Variants in NECAB2 observed in about 807,000 individuals in gnomAD.
The protein encoded by NECAB2 is N-terminal EF-hand calcium-binding protein 2.
NECAB2 carries 68 observed loss-of-function variants against 51.9 expected under a neutral mutation model. The observed-to-expected ratio is 1.31, with a 90% CI of 1.08 to 1.60. The LOEUF (loss-of-function observed/expected upper bound fraction) is 1.60. Among genes scored for constraint, NECAB2 ranks in the 40% most tolerant of loss-of-function variants. The probability of loss-of-function intolerance (pLI) is 0.00; values close to 1 mark genes in which losing one functional copy is unlikely to be tolerated. For synonymous variants in NECAB2, 329 were observed against 203.5 expected, an observed-to-expected ratio of 1.62 and a Z score of -5.25; for missense variants, 854 against 490.3, an observed-to-expected ratio of 1.74 and a Z score of -7.00.
At position 84,002,420 on chromosome 16, in the gene NECAB2, C is replaced by G; in HGVS notation, c.*74C>G. 8 of 1,536,018 alleles carry G rather than the reference C, an allele frequency of 5.2e-6. No homozygotes were observed. Among genetic ancestry groups the G allele is most frequent in the Non-Finnish European group, 7.2e-6 (8 of 1,111,100 alleles). ...GAAGGAAATCCCGTTTTTTTCTAGACAGACACTTTGGTGCAGAAGCTTCTT... is the reference window on the plus strand; with the variant it reads ...GAAGGAAATCCCGTTTTTTTCTAGAGAGACACTTTGGTGCAGAAGCTTCTT... On this transcript the variant is annotated 3_prime_UTR_variant, in exon 13 of 13. Coordinates refer to ENST00000305202, the MANE Select transcript of NECAB2 (RefSeq NM_019065.3).
intron 5 of NECAB2, among the ~76,000 whole-genome samples, chr16:83,987,179 A>G (rs1201810818): frequency 6.6e-6 from 1 of 152,262 alleles, no homozygotes; most frequent in Middle Eastern, 3.2e-3. Context: ...TAGAAAAAAT[A>G]GTAAACTTAG....
intron 5 of NECAB2, among the ~76,000 whole-genome samples, chr16:83,983,853 C>T (rs897009263): frequency 6.6e-6 from 1 of 152,036 alleles, no homozygotes; most frequent in African/African-American, 2.4e-5. Context: ...CATTTTTCTA[C>T]GTAAAAATAG....
At chr16:83,995,645 T>C (rs1054571005) in intron 8 of NECAB2, among the ~76,000 whole-genome samples, 5 of 152,146 alleles carry the variant, frequency 3.3e-5, no homozygotes, top group Admixed American at 3.3e-4. Context: ...TCTCCTACTT[T>C]TGTGTATTTT....
rs577874143 is a variant in NECAB2 at position 83,988,587 on chromosome 16, C to G, written c.460-1907C>G. Among the ~76,000 whole-genome samples, 35 of 152,242 alleles carry G rather than the reference C, an allele frequency of 2.3e-4. 1 individual carries two copies. Among genetic ancestry groups the G allele is most frequent in the African/African-American group, 8.4e-4 (35 of 41,554 alleles). On this transcript the variant is annotated intron_variant, in intron 5 of 12. Transcript: ENST00000305202. ...TTAATTTGAGTGATCGCTGTTAGTT[C>G]TTGTCATAACTTCCCCATATGAAGA...
intron 2 of NECAB2, among the ~76,000 whole-genome samples, chr16:83,973,929 G>A (rs1008564052): frequency 6.6e-5 from 10 of 152,236 alleles, no homozygotes; most frequent in South Asian, 2.1e-4. Flanking sequence ...GTGCAGCTCT[G>A]CAGGAGCCAC....
At chr16:84,000,342 G>T (rs998102044) in intron 10 of NECAB2, among the ~76,000 whole-genome samples, 3 of 132,248 alleles carry the variant, frequency 2.3e-5, no homozygotes, top group Non-Finnish European at 4.4e-5. Context: ...CCAGCATGGG[G>T]AACATAGCAA....
chr16:83,985,120 G>A (rs527365014), intron 5 of NECAB2, among the ~76,000 whole-genome samples: 6 of 151,754 alleles, frequency 4.0e-5, no homozygotes, highest in African/African-American at 1.4e-4. Flanking sequence ...TGAGACCAGC[G>A]TGGCCAACAT....
At chr16:83,990,908 C>G (rs1246514010) in intron 6 of NECAB2, among the ~76,000 whole-genome samples, 3 of 152,182 alleles carry the variant, frequency 2.0e-5, no homozygotes, top group African/African-American at 7.2e-5. Context: ...TTCCCAGACT[C>G]TAATTTGTTT....
chr16:83,968,501 G>A lies in NECAB2; in HGVS notation c.-148G>A, dbSNP rs1253663546. The A allele has an allele frequency of 5.3e-6, 3 of 564,856 alleles. No homozygotes were observed. The highest frequency in any genetic ancestry group is 2.1e-5 in the African/African-American group (1 of 48,390). The allele number at this position is 564,856 out of a possible 1,614,324, so 35.0% of individuals were successfully genotyped here. A position where few individuals can be genotyped will look rare whatever the true frequency, so the allele number is the denominator to read the frequency against. ...TCCGGCCGGCCCGCCCCCCGGCGCC[G>A]GCCAGTCCCCGCGGTGTCCGCGGCC... On this transcript the variant is annotated 5_prime_UTR_variant, in exon 1 of 13. Transcript: ENST00000305202.
chr16:83,993,327 G>A (rs1469313119), intron 6 of NECAB2: 1 of 152,206 alleles, frequency 6.6e-6, no homozygotes, highest in African/African-American at 2.4e-5. Context: ...GACTCTGCCA[G>A]CCTCTCCCCT....
At chr16:83,966,120 GC>G, upstream of NECAB2, 1 of 885,480 alleles carries the variant, frequency 1.1e-6, no homozygotes, top group Non-Finnish European at 1.7e-6. Flanking sequence ...AGCCCACGTT[GC>G]TGGCCTTTGG....
chr16:83,999,271 G>C (rs1002472988), intron 10 of NECAB2, among the ~76,000 whole-genome samples: 25 of 152,168 alleles, frequency 1.6e-4, no homozygotes, highest in Non-Finnish European at 3.1e-4. Context: ...GCCAGGATGG[G>C]GGGGCAGGAC....
At chr16:83,983,840 C>T (rs1156272491) in intron 5 of NECAB2, among the ~76,000 whole-genome samples, 2 of 152,118 alleles carry the variant, frequency 1.3e-5, no homozygotes, top group African/African-American at 4.8e-5. Context: ...TCTAACATAG[C>T]ATCATTTTTC....
At chr16:83,997,440 C>G (rs1188733639) in intron 9 of NECAB2, among the ~76,000 whole-genome samples, 171 bp downstream of exon 9, 1 of 151,718 alleles carries the variant, frequency 6.6e-6, no homozygotes, top group Non-Finnish European at 1.5e-5. Context: ...CAGGAGCCAC[C>G]CCACCAACTC....
rs557434670 is a variant in NECAB2 at position 83,995,174 on chromosome 16, C to T, written c.795+486C>T. 2.0e-5 allele frequency among the ~76,000 whole-genome samples: 3 copies of T among 152,354 alleles called. No individual in the cohort carries two copies. The South Asian group carries it at 6.2e-4, about 32-fold the overall frequency. On this transcript the variant is annotated intron_variant, in intron 8 of 12. Transcript: ENST00000305202. ...GACGTCCACAGGTGATAGAAAATGG[C>T]ACAGCCCTTACAGAAAACATTTTCA...
At chr16:83,974,630 G>A (rs2084384899) in intron 2 of NECAB2, among the ~76,000 whole-genome samples, 1 of 152,164 alleles carries the variant, frequency 6.6e-6, no homozygotes, top group Admixed American at 6.5e-5. Flanking sequence ...CCTTCCAGAT[G>A]ACGAAAACAA....
intron 5 of NECAB2, among the ~76,000 whole-genome samples, chr16:83,983,620 G>T (rs2084515848): frequency 6.6e-6 from 1 of 152,066 alleles, no homozygotes; most frequent in Non-Finnish European, 1.5e-5. Flanking sequence ...TTGATGGGGT[G>T]GATGCTATTT....
chr16:83,995,561 C>G (rs1316905277), intron 8 of NECAB2, among the ~76,000 whole-genome samples: 3 of 152,216 alleles, frequency 2.0e-5, no homozygotes, highest in Non-Finnish European at 4.4e-5. Flanking sequence ...CACATGCACA[C>G]AGCACACCCG....
At chr16:83,986,287 G>A (rs2084553894) in intron 5 of NECAB2, among the ~76,000 whole-genome samples, 1 of 152,214 alleles carries the variant, frequency 6.6e-6, no homozygotes, top group Non-Finnish European at 1.5e-5. Flanking sequence ...AAAGTGCTGG[G>A]AGTACAGGCA....
Sources: gnomAD v4.1 joint callset for allele counts (sites outside exome capture counted in the v4.1 genomes callset) on GRCh38, gnomAD v4.1.1 for gene constraint, MANE v1.5 for transcripts, NCBI Gene and HGNC (gene_info 2026-07-23, HGNC 2026-07-21) for gene names.